Variants in EPB41 observed in about 807,000 individuals in gnomAD.
EPB41 encodes the protein erythrocyte membrane protein band 4.1, also known as protein 4.1.
EPB41 carries 65 observed loss-of-function variants against 108.0 expected under a neutral mutation model. The ratio of observed to expected loss-of-function variants is 0.60; its 90% CI spans 0.49 to 0.74. The LOEUF is 0.74. EPB41 is among the 30% of genes least tolerant of loss of function. EPB41 has a pLI of 0.00. For missense variants in EPB41, 875 were observed against 1,037.0 expected (o/e 0.84, Z 2.15); for synonymous variants, 336 against 358.9 (o/e 0.94, Z 0.72).
chr1:29,105,835 G>A (rs1444470247), intron 17 of EPB41, among the ~76,000 whole-genome samples: 1 of 132,924 alleles, frequency 7.5e-6, no homozygotes, highest in Non-Finnish European at 1.5e-5. Flanking sequence ...TGCAACCTCC[G>A]CCTCCTGGTT....
At chr1:28,920,490 A>G (rs1034529741) in intron 1 of EPB41, among the ~76,000 whole-genome samples, 2 of 152,230 alleles carry the variant, frequency 1.3e-5, no homozygotes, top group Admixed American at 6.5e-5. Context: ...TACTTTCTAC[A>G]TTAATATTCA....
At chr1:29,067,101 T>A (rs1319155928) in intron 16 of EPB41, among the ~76,000 whole-genome samples, 1 of 151,162 alleles carries the variant, frequency 6.6e-6, no homozygotes, top group African/African-American at 2.4e-5. Flanking sequence ...ACACCTATAG[T>A]CCTAGCACTT....
At chr1:28,952,859 A>G (rs1210753927) in intron 1 of EPB41, among the ~76,000 whole-genome samples, 1 of 152,146 alleles carries the variant, frequency 6.6e-6, no homozygotes, top group Non-Finnish European at 1.5e-5. Flanking sequence ...CCTGGAAACA[A>G]CGTGAGAGAT....
intron 16 of EPB41, among the ~76,000 whole-genome samples, chr1:29,086,782 CTAA>C (rs1659117411): frequency 6.6e-6 from 1 of 151,976 alleles, no homozygotes; most frequent in African/African-American, 2.4e-5. Context: ...TTGGTCTTCA[CTAA>C]GTGGGGAACA....
intron 1 of EPB41, among the ~76,000 whole-genome samples, chr1:28,967,960 A>T (rs1557851237): frequency 2.0e-5 from 3 of 151,992 alleles, no homozygotes; most frequent in South Asian, 4.1e-4. Flanking sequence ...ATGCACCGCC[A>T]CGCCTGGCAA....
chr1:28,896,564 T>C (rs1329317940), intron 1 of EPB41, among the ~76,000 whole-genome samples: 2 of 152,172 alleles, frequency 1.3e-5, no homozygotes, highest in African/African-American at 4.8e-5. Context: ...TCCACCTTTA[T>C]TGAATAGGTG....
Position 28,887,526 on chromosome 1 carries a change from G to A in EPB41, c.-8+316G>A. On this transcript the variant is annotated intron_variant, in intron 1 of 16. Coordinates refer to the EPB41 transcript ENST00000347529. The surrounding 1 kb of genome is among the most constrained non-coding windows in gnomAD (Gnocchi z 4.9). ...GTCTGGGGCGGGGGTCCTGCATTCG[G>A]TGTCCGCGGGAGAGTCCCTGCAGGT... The A allele has an allele frequency of 3.0e-6, 3 of 985,240 alleles. No individual in the cohort carries two copies. The highest frequency in any genetic ancestry group is 3.6e-6 in the Non-Finnish European group (3 of 829,860). 61.0% of individuals were successfully genotyped at this position (985,240 alleles called of 1,614,324 possible).
chr1:29,002,235 A>G (rs2096307863), intron 4 of EPB41, among the ~76,000 whole-genome samples: 1 of 152,074 alleles, frequency 6.6e-6, no homozygotes, highest in Non-Finnish European at 1.5e-5. Context: ...TGTAGAAGCA[A>G]GTGGATCACT....
intron 1 of EPB41, among the ~76,000 whole-genome samples, chr1:28,971,802 C>T (rs889114104): frequency 2.0e-5 from 3 of 152,064 alleles, no homozygotes; most frequent in Non-Finnish European, 4.4e-5. Flanking sequence ...AAATCAATAA[C>T]GACTCAATTA....
At chr1:28,983,563 C>T (rs947573810) in intron 1 of EPB41, among the ~76,000 whole-genome samples, 6 of 152,134 alleles carry the variant, frequency 3.9e-5, no homozygotes, top group African/African-American at 1.4e-4. Context: ...GACAGGCGTA[C>T]CTTGTTTACT....
In EPB41 at chr1:29,009,458, C is replaced by T. The variant is rs143559046; in HGVS notation, c.787-2407C>T. 7.3e-3 allele frequency among the ~76,000 whole-genome samples: 1,106 copies of T among 152,252 alleles called. 31 individuals are homozygous for T. The highest frequency in any genetic ancestry group is 0.054 in the East Asian group (282 of 5,184). On this transcript the variant is annotated intron_variant, in intron 4 of 20. Transcript: ENST00000343067. ...ATTCTCGCACAGACTCAGAATGGTT[C>T]ATAGAATCCCTGGAAGGAACTTGGC...
chr1:28,998,088 GT>G (rs2096223668), intron 4 of EPB41, among the ~76,000 whole-genome samples: 1 of 152,218 alleles, frequency 6.6e-6, no homozygotes, highest in African/African-American at 2.4e-5. Context: ...GGAACTTCCA[GT>G]TTATTATGAA....
At chr1:29,078,778 A>G (rs1573638990) in intron 16 of EPB41, among the ~76,000 whole-genome samples, 1 of 152,028 alleles carries the variant, frequency 6.6e-6, no homozygotes. Context: ...ATGTACTGTA[A>G]CCACCACAGC....
intron 7 of EPB41, among the ~76,000 whole-genome samples, chr1:29,026,794 A>G (rs1298653167): frequency 3.3e-5 from 5 of 151,964 alleles, no homozygotes; most frequent in African/African-American, 1.2e-4. Context: ...GTGACAGAGC[A>G]AGACCTTGTC....
intron 11 of EPB41, among the ~76,000 whole-genome samples, chr1:29,044,871 T>G (rs563415539): frequency 6.6e-6 from 1 of 152,094 alleles, no homozygotes; most frequent in Non-Finnish European, 1.5e-5. Context: ...TAAAATAAAA[T>G]AAAATACCAT....
In EPB41 at chr1:28,903,523, C is replaced by T. The variant is rs185013906; in HGVS notation, c.-8+16313C>T. On this transcript the variant is annotated intron_variant, in intron 1 of 16. Coordinates refer to the EPB41 transcript ENST00000347529. ...TATTTTTAGTAGAGACAAGGTTTCA[C>T]TGGCCAGGCTGGTCTTGAACTCCTG... Among the ~76,000 whole-genome samples, 630 of 152,004 alleles carry T rather than the reference C, an allele frequency of 4.1e-3. 4 individuals are homozygous for T. Among genetic ancestry groups the T allele is most frequent in the African/African-American group, 0.015 (606 of 41,452 alleles).
chr1:28,934,550 A>G (rs766996414), intron 1 of EPB41, among the ~76,000 whole-genome samples: 3 of 151,808 alleles, frequency 2.0e-5, no homozygotes, highest in Non-Finnish European at 4.4e-5. Flanking sequence ...ACTGATATGG[A>G]TATTTATTTT....
chr1:28,938,535 A>AT (rs35883902), intron 1 of EPB41, among the ~76,000 whole-genome samples: 43,951 of 145,054 alleles, frequency 0.3, 7,959 homozygotes, highest in African/African-American at 0.5. Flanking sequence ...TGATTTTTGA[A>AT]TTTTTTTTTT....
Position 28,887,238 on chromosome 1 carries a change from C to T in EPB41, c.-8+28C>T, listed in dbSNP as rs1299478627. The T allele has an allele frequency of 2.3e-6, 3 of 1,279,682 alleles. No homozygotes were observed. The highest frequency in any genetic ancestry group is 4.8e-5 in the Admixed American group (2 of 41,298). The allele number at this position is 1,279,682 out of a possible 1,614,324, so 79.3% of individuals were successfully genotyped here. ...GAGCCTGGACCACCTGGGGGGCGAC[C>T]CTCGGTCCCCGGGAGGGACGGGGTT... On this transcript the variant is annotated intron_variant, in intron 1 of 16. Transcript: ENST00000347529. This position sits in a 1 kb window ranked among gnomAD's most constrained non-coding sequence, Gnocchi z 4.9.
Sources: allele counts gnomAD v4.1 joint callset (sites outside exome capture counted in the v4.1 genomes callset), GRCh38; gene constraint gnomAD v4.1.1; non-coding constraint Gnocchi (gnomAD v3.1); transcripts MANE v1.5; gene names NCBI Gene and HGNC (gene_info 2026-07-23, HGNC 2026-07-21).